Variants in AP1S3 observed in about 807,000 individuals in gnomAD.
AP1S3 encodes the protein adaptor related protein complex 1 subunit sigma 3.
AP1S3 carries 10 observed loss-of-function variants against 20.9 expected under a neutral mutation model. That is an observed-to-expected ratio of 0.48 (90% CI 0.29 to 0.81). The LOEUF is 0.81. Among genes scored for constraint, AP1S3 ranks in the 30% least tolerant of loss-of-function variants. AP1S3 has a pLI of 0.08. For missense variants in AP1S3, 154 were observed against 183.8 expected, an observed-to-expected ratio of 0.84 and a Z score of 0.94; for synonymous variants, 41 against 61.5, an observed-to-expected ratio of 0.67 and a Z score of 1.56.
intron 1 of AP1S3, among the ~76,000 whole-genome samples, chr2:223,821,831 G>A (rs187942355): frequency 1.7e-3 from 259 of 152,260 alleles, no homozygotes; most frequent in Non-Finnish European, 1.7e-3. Flanking sequence ...AATAACGTAC[G>A]TTATGTTCAT....
chr2:223,785,293 G>T (rs1691047012), intron 1 of AP1S3, among the ~76,000 whole-genome samples: 1 of 152,072 alleles, frequency 6.6e-6, no homozygotes, highest in East Asian at 1.9e-4. Context: ...AGTGAGCCAA[G>T]ATCACACCAT....
In AP1S3 at chr2:223,789,970, T is replaced by G. The variant is rs1297132064; in HGVS notation, c.4-12101A>C. ...GAAATTTTTTCAAGAACTAAGTAGA[T>G]GAGACTTCAGATTTTGAAAAGCCCA... On this transcript the variant is annotated intron_variant, in intron 1 of 4. Transcript: ENST00000396654. Among the ~76,000 whole-genome samples, 24 of 152,042 alleles carry G rather than the reference T, an allele frequency of 1.6e-4. No homozygotes were observed. In the East Asian group the frequency reaches 4.6e-3, roughly 29 times the overall value.
intron 1 of AP1S3, among the ~76,000 whole-genome samples, chr2:223,837,172 CGGCACAGACTAAGCACTCGGCTAA>C (rs1205520031): frequency 6.6e-6 from 1 of 151,512 alleles, no homozygotes; most frequent in African/African-American, 2.4e-5. Flanking sequence ...GCACCGAGCC[CGGCACAGACTAAGCACTCGGCTAA>C]GGCGGATCGA....
At chr2:223,776,420 G>A (rs1017239181) in intron 2 of AP1S3, among the ~76,000 whole-genome samples, 1 of 152,194 alleles carries the variant, frequency 6.6e-6, no homozygotes. Context: ...CAGTCATTCT[G>A]TGTGAGCCTC....
In AP1S3 at chr2:223,798,096, T is replaced by G. The variant is rs181035043; in HGVS notation, c.4-20227A>C. 2.5e-3 allele frequency among the ~76,000 whole-genome samples: 378 copies of G among 151,042 alleles called. 1 individual carries two copies. Among genetic ancestry groups the G allele is most frequent in the African/African-American group, 9.3e-3 (375 of 40,382 alleles). Reference sequence around the variant, plus strand: ...ACATATATACATCAAATGTCATAGGTTTTTTTTCCCCTCAAGATTGCCAGC... The same window carrying G: ...ACATATATACATCAAATGTCATAGGGTTTTTTTCCCCTCAAGATTGCCAGC... On this transcript the variant is annotated intron_variant, in intron 1 of 4. Coordinates refer to ENST00000396654, the MANE Select transcript of AP1S3 (RefSeq NM_001039569.2).
intron 1 of AP1S3, among the ~76,000 whole-genome samples, chr2:223,818,257 A>G (rs929291137): frequency 2.0e-5 from 3 of 152,040 alleles, no homozygotes; most frequent in African/African-American, 7.2e-5. Flanking sequence ...TCTCTACTAA[A>G]AATATAAAAA....
intron 1 of AP1S3, among the ~76,000 whole-genome samples, chr2:223,802,410 C>T (rs933824072): frequency 2.0e-5 from 3 of 151,748 alleles, no homozygotes; most frequent in Non-Finnish European, 1.5e-5. Context: ...TCAAGCAATT[C>T]TCCTGCCTCA....
chr2:223,777,309 C>T lies in AP1S3; in HGVS notation c.182+382G>A, dbSNP rs7560485. On this transcript the variant is annotated intron_variant, in intron 2 of 4. Coordinates refer to ENST00000396654, the MANE Select transcript of AP1S3 (RefSeq NM_001039569.2). ...ACTCAGGAGGCTGAGGCAAGAGAAT[C>T]GCTTGAACCCAGGAGGTGGAAGTTG... Among the ~76,000 whole-genome samples the T allele has an allele frequency of 4.7e-3, 711 of 152,282 alleles. 4 individuals are homozygous for T. Among genetic ancestry groups the T allele is most frequent in the African/African-American group, 0.017 (689 of 41,560 alleles).
chr2:223,793,509 G>T lies in AP1S3; in HGVS notation c.4-15640C>A, dbSNP rs113871875. 4.0e-3 allele frequency among the ~76,000 whole-genome samples: 609 copies of T among 152,218 alleles called. 4 individuals are homozygous for T. Among genetic ancestry groups the T allele is most frequent in the African/African-American group, 0.013 (560 of 41,538 alleles). On this transcript the variant is annotated intron_variant, in intron 1 of 4. Coordinates refer to ENST00000396654, the MANE Select transcript of AP1S3 (RefSeq NM_001039569.2). ...GTACTGCATGTTCTCACTTAGAAGT[G>T]GGAGCTGAATGATGAGAACACATGG... is the stretch of plus-strand genomic sequence containing the variant.
chr2:223,780,276 A>AAT (rs138804582), intron 1 of AP1S3, among the ~76,000 whole-genome samples: 52 of 24,352 alleles, frequency 2.1e-3, no homozygotes, highest in African/African-American at 2.6e-3. Context: ...ATGCCTGGCT[A>AAT]ATATATATAT....
Position 223,760,404 on chromosome 2 carries a change from C to G in AP1S3, c.430-1654G>C, listed in dbSNP as rs369411140. The stretch of plus-strand genomic sequence containing the variant: ...GGAGATACTAGGGCTAGAAATCTGC[C>G]CTTACCTTCAAAAGAGGTTTTCTAA... On this transcript the variant is annotated intron_variant, in intron 4 of 4. Transcript: ENST00000396654. Among the ~76,000 whole-genome samples, 20 of 152,156 alleles carry G rather than the reference C, an allele frequency of 1.3e-4. No homozygotes were observed. The East Asian group carries it at 2.5e-3, about 19-fold the overall frequency.
At chr2:223,813,464 T>C (rs1000052665) in intron 1 of AP1S3, among the ~76,000 whole-genome samples, 1 of 152,212 alleles carries the variant, frequency 6.6e-6, no homozygotes, top group Admixed American at 6.5e-5. Flanking sequence ...ATGAGGAGGA[T>C]AACAATTATT....
At chr2:223,773,319 G>A (rs1417043360) in intron 3 of AP1S3, 9 of 1,304,062 alleles carry the variant, frequency 6.9e-6, no homozygotes, top group African/African-American at 3.0e-5. Flanking sequence ...AGACCTCAAG[G>A]AAACTTCTTC....
intron 3 of AP1S3, among the ~76,000 whole-genome samples, chr2:223,772,345 A>G (rs1400849399): frequency 1.3e-5 from 2 of 152,124 alleles, no homozygotes; most frequent in Non-Finnish European, 2.9e-5. Flanking sequence ...GTGAGCCTAC[A>G]CCAGCATCCG....
At chr2:223,770,355 A>G in intron 3 of AP1S3, 1 of 1,549,186 alleles carries the variant, frequency 6.5e-7, no homozygotes, top group Non-Finnish European at 8.7e-7. Context: ...GATACTAATG[A>G]AAATTCTCCA....
chr2:223,836,173 G>A (rs575581663), intron 1 of AP1S3, among the ~76,000 whole-genome samples: 2 of 152,180 alleles, frequency 1.3e-5, no homozygotes, highest in South Asian at 4.1e-4. Flanking sequence ...TCCTGCCTCC[G>A]GTGGGCCCAC....
chr2:223,795,145 A>C (rs936314059), intron 1 of AP1S3, among the ~76,000 whole-genome samples: 5 of 152,196 alleles, frequency 3.3e-5, no homozygotes, highest in Non-Finnish European at 7.3e-5. Flanking sequence ...GCTACTCAGG[A>C]GGCTGAGGCA....
intron 1 of AP1S3, among the ~76,000 whole-genome samples, chr2:223,824,964 C>T (rs1375595654): frequency 6.6e-6 from 1 of 151,964 alleles, no homozygotes; most frequent in Non-Finnish European, 1.5e-5. Context: ...AGTGGGATTA[C>T]CCGGAGGGGC....
Position 223,756,459 on chromosome 2 carries a change from AAG to A in AP1S3, c.*2254_*2255del, listed in dbSNP as rs1469613681. On this transcript the variant is annotated 3_prime_UTR_variant, in exon 5 of 5. Transcript: ENST00000396654. The stretch of plus-strand genomic sequence containing the variant: ...AGGAAGAAAGGAAGGAAAAGAAAGA[AAG>A]AAAGAAAAGAAAGAAAGAAAGAAAA... 2 of 845,470 alleles carry A rather than the reference AAG, an allele frequency of 2.4e-6. No individual in the cohort carries two copies. Among genetic ancestry groups the A allele is most frequent in the Non-Finnish European group, 2.8e-6 (2 of 701,956 alleles). 52.4% of individuals were successfully genotyped at this position (845,470 alleles called of 1,614,324 possible).
Sources: allele counts gnomAD v4.1 joint callset (sites outside exome capture counted in the v4.1 genomes callset), GRCh38; gene constraint gnomAD v4.1.1; transcripts MANE v1.5; gene names NCBI Gene and HGNC (gene_info 2026-07-23, HGNC 2026-07-21).